Variants in PAFAH2 observed in about 807,000 individuals in gnomAD.
PAFAH2 encodes platelet-activating factor acetylhydrolase 2, cytoplasmic.
A neutral mutation model predicts 49.0 loss-of-function variants in PAFAH2; 42 were observed. The ratio of observed to expected loss-of-function variants is 0.86; its 90% CI spans 0.67 to 1.11. PAFAH2 has a LOEUF of 1.11. Ranked by LOEUF, PAFAH2 falls within the 50% of genes least tolerant of loss-of-function variation. PAFAH2 has a pLI of 0.00. For synonymous variants in PAFAH2, 184 were observed against 181.3 expected (o/e 1.01, Z -0.12); for missense variants, 503 against 501.8 (o/e 1.00, Z -0.02).
chr1:25,982,451 TA>T lies in PAFAH2; in HGVS notation c.578del (p.Leu193TyrfsTer4). On this transcript the variant is annotated frameshift_variant, in exon 7 of 11. Transcript: ENST00000374282. LOFTEE classifies it high-confidence loss of function. ...CCTCTTGCAGGATCTTCAACACCCGTAAACACTCGCTTACCCGCTGATGCAC... is the reference window on the plus strand; with the variant it reads ...CCTCTTGCAGGATCTTCAACACCCGTAACACTCGCTTACCCGCTGATGCAC... Reference protein sequence around the residue: ...PQVHQRVSECLRVLKILQEVT... With the variant: ...PQVHQRVSECXRVLKILQEVT... 1 of 1,614,026 alleles carries T rather than the reference TA, an allele frequency of 6.2e-7. No homozygotes were observed. Among genetic ancestry groups the T allele is most frequent in the Non-Finnish European group, 8.5e-7 (1 of 1,179,932 alleles).
chr1:25,965,296 GA>G (rs1243988163), intron 10 of PAFAH2, among the ~76,000 whole-genome samples: 2 of 152,110 alleles, frequency 1.3e-5, no homozygotes, highest in Non-Finnish European at 2.9e-5. Context: ...CATAAGACTT[GA>G]AACTATAAAA....
intron 10 of PAFAH2, chr1:25,964,099 C>T (rs1270868288): frequency 6.6e-6 from 1 of 152,166 alleles, no homozygotes; most frequent in African/African-American, 2.4e-5. Context: ...CTTAGGGAGA[C>T]TGGGAGCCAC....
rs1456546125 is a variant in PAFAH2 at position 25,976,735 on chromosome 1, A to T, written c.705T>A (p.His235Gln). ...IDMSRVAVMG[H>Q]SFGGATAILA... ...GAATAGCTGTGGCCCCTCCAAATGA[A>T]TGTCCCATCACAGCCACACGGCTCA... Residue 235 changes from histidine to glutamine, a missense_variant, in exon 8 of 11, where the codon CAT becomes CAA. By Grantham distance (24) the His-to-Gln change is conservative (BLOSUM62 0). Transcript: ENST00000374282. The T allele has an allele frequency of 6.2e-7, 1 of 1,614,110 alleles. No homozygotes were observed. The highest frequency in any genetic ancestry group is 1.3e-5 in the African/African-American group (1 of 74,942).
intron 7 of PAFAH2, among the ~76,000 whole-genome samples, chr1:25,977,929 A>G (rs1219237270): frequency 6.6e-6 from 1 of 152,180 alleles, no homozygotes; most frequent in Non-Finnish European, 1.5e-5. Flanking sequence ...TTTTATCCAA[A>G]GCCAAGGGGA....
At position 25,995,556 on chromosome 1, in the gene PAFAH2, G is replaced by A. The variant is rs774808624; in HGVS notation, c.-48+2469C>T. ...ATGAACTTTTCTTTCATTCAGACACGTATGCATGCAGCAGACGCTTACTGA... is the reference window on the plus strand; with the variant it reads ...ATGAACTTTTCTTTCATTCAGACACATATGCATGCAGCAGACGCTTACTGA... On this transcript the variant is annotated intron_variant, in intron 1 of 10. Coordinates refer to ENST00000374282, the MANE Select transcript of PAFAH2 (RefSeq NM_000437.4). 5.9e-5 allele frequency among the ~76,000 whole-genome samples: 9 copies of A among 152,256 alleles called. No individual in the cohort carries two copies. In the South Asian group the frequency reaches 6.2e-4, roughly 11 times the overall value.
At chr1:25,963,112 G>A (rs1477629201) in intron 10 of PAFAH2, among the ~76,000 whole-genome samples, 2 of 152,164 alleles carry the variant, frequency 1.3e-5, no homozygotes, top group Non-Finnish European at 2.9e-5. Context: ...GATGAATGGT[G>A]TCCTTCCTCA....
intron 1 of PAFAH2, among the ~76,000 whole-genome samples, chr1:25,993,726 T>G (rs1035423587): frequency 6.6e-6 from 1 of 152,060 alleles, no homozygotes; most frequent in Non-Finnish European, 1.5e-5. Flanking sequence ...ACCCTGACCT[T>G]TCCCCATCGC....
chr1:25,980,837 G>A (rs2049676427), intron 7 of PAFAH2, among the ~76,000 whole-genome samples: 1 of 151,634 alleles, frequency 6.6e-6, no homozygotes, highest in African/African-American at 2.4e-5. Context: ...GGGAAACATG[G>A]TGAAACCCCA....
At position 25,966,571 on chromosome 1, in the gene PAFAH2, G is replaced by A. The variant is rs1557512101; in HGVS notation, c.1085-4488C>T. ...CTTATAAGTGGGAGCTAAATGATGG[G>A]TACACATGGACATACAGAGTAGAAA... On this transcript the variant is annotated intron_variant, in intron 10 of 10. Transcript: ENST00000374282. Among the ~76,000 whole-genome samples the A allele has an allele frequency of 2.0e-5, 3 of 152,114 alleles. No homozygotes were observed. In the East Asian group the frequency reaches 5.8e-4, roughly 29 times the overall value.
chr1:25,986,760 A>G (rs915764428), intron 4 of PAFAH2, among the ~76,000 whole-genome samples: 2 of 151,788 alleles, frequency 1.3e-5, no homozygotes, highest in African/African-American at 4.8e-5. Context: ...CGAACTCCCA[A>G]CCTCAGGTGA....
rs150404101 is a variant in PAFAH2 at position 25,972,655 on chromosome 1, A to G, written c.987T>C (p.Gly329=). The change falls in exon 10 of 11, where the codon GGT becomes GGC. Residue 329 remains glycine, a synonymous_variant. Transcript: ENST00000374282. ...DFAFVTGNLI[G]KFFSTETRGS... is the part of the protein sequence containing the mutation. ...CACGGGTTTCAGTGGAGAAGAATTT[A>G]CCAATCAAGTTGCCAGTCACAAAAG... 3.5e-5 allele frequency: 56 copies of G among 1,613,970 alleles called. No homozygotes were observed. The East Asian group carries it at 1.2e-3, about 33-fold the overall frequency.
intron 5 of PAFAH2, 106 bp downstream of exon 5, chr1:25,984,354 C>A: frequency 1.1e-6 from 1 of 881,754 alleles, no homozygotes. Flanking sequence ...TGGTATAATG[C>A]TGGCTTGCAC....
At position 25,984,480 on chromosome 1, in the gene PAFAH2, C is replaced by T; in HGVS notation, c.390G>A (p.Val130=). The T allele has an allele frequency of 6.2e-7, 1 of 1,613,804 alleles. No homozygotes were observed. The highest frequency in any genetic ancestry group is 8.5e-7 in the Non-Finnish European group (1 of 1,179,860). The stretch of plus-strand genomic sequence containing the variant: ...CTCACCTGTGCTCTGGCACAGCAAC[C>T]ACAAAGCCACGTGAGGCCAGCTCCA... The part of the protein sequence containing the change: ...FCMELASRGF[V]VAVPEHRDRS... Residue 130 remains valine (V), a synonymous_variant, in exon 5 of 11, where the codon GTG becomes GTA. Coordinates refer to ENST00000374282, the MANE Select transcript of PAFAH2 (RefSeq NM_000437.4).
At chr1:25,990,517 C>A (rs549981123) in intron 2 of PAFAH2, among the ~76,000 whole-genome samples, 1 of 152,090 alleles carries the variant, frequency 6.6e-6, no homozygotes, top group African/African-American at 2.4e-5. Context: ...GGAAAATGAA[C>A]GCATTATCTC....
chr1:25,984,825 C>T (rs895936109), intron 4 of PAFAH2, among the ~76,000 whole-genome samples: 8 of 148,198 alleles, frequency 5.4e-5, no homozygotes, highest in Non-Finnish European at 1.2e-4. Flanking sequence ...GTGAACTGGA[C>T]TTCAGAGCCA....
At chr1:25,982,858 C>T (rs576467858) in intron 6 of PAFAH2, among the ~76,000 whole-genome samples, 1 of 152,312 alleles carries the variant, frequency 6.6e-6, no homozygotes, top group Non-Finnish European at 1.5e-5. Flanking sequence ...CAAGCACTTA[C>T]CCCCTTTCCT....
intron 8 of PAFAH2, among the ~76,000 whole-genome samples, chr1:25,976,051 G>C (rs1296067735): frequency 6.6e-6 from 1 of 152,108 alleles, no homozygotes; most frequent in South Asian, 2.1e-4. Flanking sequence ...ATTCCTGCTG[G>C]CTGGAAAGAT....
At chr1:25,991,240 T>A (rs72882828) in intron 1 of PAFAH2, among the ~76,000 whole-genome samples, 1,601 of 152,220 alleles carry the variant, frequency 0.011, 20 homozygotes, top group African/African-American at 0.037. Context: ...TTATAGACAC[T>A]ATACACATTG....
In PAFAH2 at chr1:25,972,631, A is replaced by G; in HGVS notation, c.1011T>C (p.Arg337=). 6.2e-7 allele frequency: 1 copy of G among 1,613,922 alleles called. No individual in the cohort carries two copies. The highest frequency in any genetic ancestry group is 8.5e-7 in the Non-Finnish European group (1 of 1,179,842). The change falls in exon 10 of 11, where the codon CGT becomes CGC. Residue 337 remains arginine (R), a synonymous_variant. Transcript: ENST00000374282. ...LIGKFFSTET[R]GSLDPYEGQE... is the part of the protein sequence containing the mutation. Reference sequence around the variant, plus strand: ...GCCCTTCATAGGGGTCCAGGCTCCCACGGGTTTCAGTGGAGAAGAATTTAC... The same window carrying G: ...GCCCTTCATAGGGGTCCAGGCTCCCGCGGGTTTCAGTGGAGAAGAATTTAC...
Sources: allele counts gnomAD v4.1 joint callset (sites outside exome capture counted in the v4.1 genomes callset), GRCh38; gene constraint gnomAD v4.1.1; transcripts MANE v1.5; gene names NCBI Gene and HGNC (gene_info 2026-07-23, HGNC 2026-07-21).